NPAS3: variants seen among roughly 807,000 people sequenced by gnomAD.
The protein encoded by NPAS3 is neuronal PAS domain-containing protein 3.
Under a neutral mutation model 73.1 loss-of-function variants are expected in NPAS3, and 14 were observed. The ratio of observed to expected loss-of-function variants is 0.19; its 90% CI spans 0.13 to 0.30. The LOEUF (loss-of-function observed/expected upper bound fraction) is 0.30. Ranked by LOEUF, NPAS3 falls within the 10% of genes least tolerant of loss-of-function variation. NPAS3 has a pLI of 1.00. For synonymous variants in NPAS3, 620 were observed against 541.5 expected (o/e 1.14, Z -2.01); for missense variants, 1,096 against 1,250.0 (o/e 0.88, Z 1.86).
At chr14:33,480,979 T>C (rs1429489362) in intron 4 of NPAS3, among the ~76,000 whole-genome samples, 1 of 151,968 alleles carries the variant, frequency 6.6e-6, no homozygotes, top group Non-Finnish European at 1.5e-5. Flanking sequence ...AATGCTGAAT[T>C]TGGCCATCTA....
At chr14:33,387,496 C>T (rs2046820812) in intron 4 of NPAS3, among the ~76,000 whole-genome samples, 1 of 152,106 alleles carries the variant, frequency 6.6e-6, no homozygotes, top group African/African-American at 2.4e-5. Context: ...GAAGATTTTC[C>T]CAGGATATTA....
intron 4 of NPAS3, among the ~76,000 whole-genome samples, chr14:33,457,279 C>A (rs2050066025): frequency 6.6e-6 from 1 of 152,152 alleles, no homozygotes; most frequent in African/African-American, 2.4e-5. Context: ...TTTCTTTTAC[C>A]CTCCTGTTGG....
At position 33,800,750 on chromosome 14, in the gene NPAS3, G is replaced by T. The variant is rs991368681; in HGVS notation, c.2443G>T (p.Ala815Ser). 3.0e-5 allele frequency: 47 copies of T among 1,563,076 alleles called. No individual in the cohort carries two copies. Among genetic ancestry groups the T allele is most frequent in the Non-Finnish European group, 3.7e-5 (43 of 1,156,124 alleles). ...GCACAGGGTGACCGGGACCCTGGCCGCCACCAGCACGGCCGCGCAGAGGGT... is the reference window on the plus strand; with the variant it reads ...GCACAGGGTGACCGGGACCCTGGCCTCCACCAGCACGGCCGCGCAGAGGGT... The change falls in exon 12 of 12, where the codon GCC (alanine) becomes TCC (serine). Residue 815 changes from alanine to serine, a missense_variant. This residue lies in a region of NPAS3 where 698 missense variants were observed against 676.7 expected (regional missense o/e 1.03). Coordinates refer to ENST00000356141, the Ensembl canonical transcript of NPAS3. This position sits in a 1 kb window ranked among gnomAD's most constrained non-coding sequence, Gnocchi z 6.5.
At chr14:33,463,575 C>T (rs903169355) in intron 4 of NPAS3, among the ~76,000 whole-genome samples, 11 of 152,152 alleles carry the variant, frequency 7.2e-5, no homozygotes, top group Admixed American at 1.3e-4. Context: ...AGTAAAAGCT[C>T]CGTATGCTCT....
chr14:33,601,545 T>C (rs1326862791), intron 5 of NPAS3, among the ~76,000 whole-genome samples: 1 of 152,208 alleles, frequency 6.6e-6, no homozygotes, highest in Non-Finnish European at 1.5e-5. Context: ...TCATTTAATT[T>C]GATCTCACAA....
intron 2 of NPAS3, among the ~76,000 whole-genome samples, chr14:33,128,581 G>A (rs2043519283): frequency 6.6e-6 from 1 of 152,078 alleles, no homozygotes; most frequent in South Asian, 2.1e-4. Flanking sequence ...AGTAGTGAGT[G>A]GCTGGACTAA....
At chr14:33,544,365 C>T (rs2054682922) in intron 4 of NPAS3, among the ~76,000 whole-genome samples, 1 of 152,016 alleles carries the variant, frequency 6.6e-6, no homozygotes, top group Non-Finnish European at 1.5e-5. Flanking sequence ...AATTGTGCCC[C>T]CACCACCAAT....
intron 2 of NPAS3, among the ~76,000 whole-genome samples, chr14:33,107,884 A>G (rs1035919840): frequency 2.0e-5 from 3 of 152,164 alleles, no homozygotes; most frequent in African/African-American, 4.8e-5. Context: ...GGTAGAAACA[A>G]TGGTGATAAC....
At chr14:33,303,320 T>C (rs1289947303) in intron 3 of NPAS3, among the ~76,000 whole-genome samples, 1 of 152,022 alleles carries the variant, frequency 6.6e-6, no homozygotes, top group Non-Finnish European at 1.5e-5. Flanking sequence ...CAGAGGAAAA[T>C]TAGAACTTAC....
chr14:33,565,112 G>T (rs1253033132), intron 5 of NPAS3, among the ~76,000 whole-genome samples: 1 of 152,206 alleles, frequency 6.6e-6, no homozygotes, highest in Non-Finnish European at 1.5e-5. Context: ...GGGCAGGGTG[G>T]CTGCAGATTA....
intron 2 of NPAS3, among the ~76,000 whole-genome samples, chr14:33,199,095 C>T (rs950544931): frequency 1.3e-5 from 2 of 152,208 alleles, no homozygotes; most frequent in Admixed American, 6.5e-5. Context: ...GCTCCGTGTG[C>T]AGCCCTGGTT....
chr14:33,252,786 C>T (rs905599978), intron 3 of NPAS3, among the ~76,000 whole-genome samples: 1 of 151,918 alleles, frequency 6.6e-6, no homozygotes, highest in South Asian at 2.1e-4. Flanking sequence ...AACTCTTGCC[C>T]CACTCCCACC....
chr14:33,743,869 G>A (rs1208529573), intron 7 of NPAS3, among the ~76,000 whole-genome samples: 8 of 152,196 alleles, frequency 5.3e-5, no homozygotes, highest in Non-Finnish European at 8.8e-5. Flanking sequence ...CAAACCTCAT[G>A]AATCAGCCTC....
chr14:33,306,484 T>C (rs2042759911), intron 3 of NPAS3, among the ~76,000 whole-genome samples: 2 of 152,228 alleles, frequency 1.3e-5, no homozygotes, highest in South Asian at 4.1e-4. Context: ...CTTTATCTAA[T>C]ACATAATGTT....
intron 3 of NPAS3, among the ~76,000 whole-genome samples, chr14:33,258,018 G>C (rs2048839708): frequency 6.6e-6 from 1 of 152,162 alleles, no homozygotes. Context: ...TATTTTGGCT[G>C]ACACTTCCGG....
At chr14:33,371,891 G>A (rs536401606) in intron 4 of NPAS3, among the ~76,000 whole-genome samples, 7 of 152,076 alleles carry the variant, frequency 4.6e-5, no homozygotes, top group South Asian at 2.1e-4. Flanking sequence ...CTATGATTAC[G>A]TGCATCTTAA....
intron 4 of NPAS3, among the ~76,000 whole-genome samples, chr14:33,445,768 T>C (rs1476463131): frequency 6.6e-6 from 1 of 152,220 alleles, no homozygotes; most frequent in Non-Finnish European, 1.5e-5. Context: ...CAGTGGCATA[T>C]CATTTTAAGC....
At chr14:33,626,849 G>A (rs2058235093) in intron 5 of NPAS3, among the ~76,000 whole-genome samples, 1 of 152,112 alleles carries the variant, frequency 6.6e-6, no homozygotes, top group Non-Finnish European at 1.5e-5. Flanking sequence ...AAAGTAAATA[G>A]GAGAAAAGGA....
intron 1 of NPAS3, among the ~76,000 whole-genome samples, chr14:32,964,160 T>TAAAAAAAAAAA (rs34380538): frequency 2.7e-5 from 2 of 75,442 alleles, no homozygotes; most frequent in Non-Finnish European, 4.6e-5. Context: ...TTTGCTGCAC[T>TAAAAAAAAAAA]AAAAAAAAAA....
Sources: gnomAD v4.1 joint callset for allele counts (sites outside exome capture counted in the v4.1 genomes callset) on GRCh38, gnomAD v4.1.1 for gene constraint, gnomAD v4.1.1 regional missense constraint, Gnocchi (gnomAD v3.1) non-coding constraint, MANE v1.5 for transcripts, NCBI Gene and HGNC (gene_info 2026-07-23, HGNC 2026-07-21) for gene names.